The following FOXP1 variants were observed in gnomAD, a reference collection of about 807,000 sequenced individuals.
The protein encoded by FOXP1 is forkhead box protein P1.
FOXP1 carries 15 observed loss-of-function variants against 98.2 expected under a neutral mutation model. The observed-to-expected ratio is 0.15, with a 90% CI of 0.10 to 0.24. The LOEUF is 0.24. Among genes scored for constraint, FOXP1 ranks in the 10% least tolerant of loss-of-function variants. FOXP1 has a pLI of 1.00. For missense variants in FOXP1, 633 were observed against 848.5 expected, an observed-to-expected ratio of 0.75 and a Z score of 3.15; for synonymous variants, 371 against 314.5, an observed-to-expected ratio of 1.18 and a Z score of -1.90.
chr3:71,352,475 A>AT, intron 4 of FOXP1, among the ~76,000 whole-genome samples: 1 of 148,726 alleles, frequency 6.7e-6, no homozygotes, highest in East Asian at 2.0e-4. Flanking sequence ...CATCTCAAAA[A>AT]AAAAAAAAAA....
rs117754609 is a variant in FOXP1 at position 71,138,250 on chromosome 3, G to A, written c.181-25613C>T. 2.2e-4 allele frequency among the ~76,000 whole-genome samples: 33 copies of A among 152,206 alleles called. No homozygotes were observed. In the East Asian group the frequency reaches 6.0e-3, roughly 28 times the overall value. On this transcript the variant is annotated intron_variant, in intron 6 of 20. Transcript: ENST00000649528. ...CTCAAAATGGGATTTTTAATATTTA[G>A]GAACGTAATGGGATCGGGAAATAAG...
At chr3:71,582,294 G>A (rs1218358561) in intron 1 of FOXP1, 1 of 977,820 alleles carries the variant, frequency 1.0e-6, no homozygotes, top group Non-Finnish European at 1.2e-6. Context: ...AAGGAGGGAG[G>A]CGGGAGGCGG....
chr3:71,085,321 A>T (rs114058197), intron 7 of FOXP1, among the ~76,000 whole-genome samples: 7,220 of 151,378 alleles, frequency 0.048, 602 homozygotes, highest in African/African-American at 0.16. Flanking sequence ...TTAAAAAAAA[A>T]TTTTTTTTTG....
intron 6 of FOXP1, among the ~76,000 whole-genome samples, chr3:71,156,330 C>G (rs1378936104): frequency 6.6e-6 from 1 of 152,142 alleles, no homozygotes; most frequent in South Asian, 2.1e-4. Flanking sequence ...GCACTCAGCA[C>G]CTACTCAGCA....
intron 13 of FOXP1, 73 bp from the exon 14 acceptor site, chr3:70,988,150 AT>A: frequency 7.9e-7 from 1 of 1,260,692 alleles, no homozygotes; most frequent in Non-Finnish European, 1.2e-6. Flanking sequence ...AATGATACAT[AT>A]TACAAATTAC....
intron 3 of FOXP1, among the ~76,000 whole-genome samples, chr3:71,439,881 G>T (rs1444039979): frequency 6.6e-6 from 1 of 151,608 alleles, no homozygotes; most frequent in Admixed American, 6.6e-5. Flanking sequence ...AGGAGATGGG[G>T]GTTTCATTGA....
chr3:71,011,489 C>T (rs11720703), intron 12 of FOXP1, among the ~76,000 whole-genome samples: 54,296 of 151,990 alleles, frequency 0.36, 12,334 homozygotes, highest in Admixed American at 0.49. Flanking sequence ...CATAGAAAAA[C>T]AGAGCTAATG....
intron 1 of FOXP1, 107 bp from the exon 2 acceptor site, chr3:71,581,804 A>G (rs371708200): frequency 3.0e-6 from 3 of 986,058 alleles, no homozygotes. Flanking sequence ...GCCAGGACAG[A>G]GAGGGCAGCG....
At chr3:71,394,116 C>A (rs2081223181) in intron 3 of FOXP1, among the ~76,000 whole-genome samples, 1 of 152,226 alleles carries the variant, frequency 6.6e-6, no homozygotes, top group Non-Finnish European at 1.5e-5. Context: ...GCCCCAATTT[C>A]CAGAAGAGTC....
intron 4 of FOXP1, among the ~76,000 whole-genome samples, chr3:71,300,139 A>T (rs1450923302): frequency 1.3e-5 from 2 of 152,144 alleles, no homozygotes; most frequent in Non-Finnish European, 2.9e-5. Context: ...ACTTTTTCTC[A>T]TCTTGTTGTC....
At chr3:71,430,228 G>A (rs1203696397) in intron 3 of FOXP1, among the ~76,000 whole-genome samples, 1 of 152,158 alleles carries the variant, frequency 6.6e-6, no homozygotes, top group Non-Finnish European at 1.5e-5. Flanking sequence ...CAGCGTGAGC[G>A]ATTTCGGCAT....
intron 6 of FOXP1, chr3:71,130,763 A>G: frequency 2.8e-6 from 4 of 1,443,546 alleles, no homozygotes; most frequent in Non-Finnish European, 3.6e-6. Flanking sequence ...AGAAACCACA[A>G]GAATTCCTCA....
intron 3 of FOXP1, among the ~76,000 whole-genome samples, chr3:71,474,839 A>C (rs1339010209): frequency 6.6e-6 from 1 of 152,048 alleles, no homozygotes; most frequent in Non-Finnish European, 1.5e-5. Context: ...GTGCAGAATA[A>C]ATGTTATGTG....
At chr3:71,007,993 TGAA>T (rs1160868553) in intron 12 of FOXP1, among the ~76,000 whole-genome samples, 1 of 152,160 alleles carries the variant, frequency 6.6e-6, no homozygotes, top group Non-Finnish European at 1.5e-5. Flanking sequence ...TTGTTCTGCA[TGAA>T]GTTTTTCTCC....
intron 14 of FOXP1, among the ~76,000 whole-genome samples, chr3:70,984,192 C>T (rs902439179): frequency 6.6e-6 from 1 of 152,202 alleles, no homozygotes; most frequent in Non-Finnish European, 1.5e-5. Context: ...CATACGTCCA[C>T]GCAGGGTCCA....
In FOXP1 at chr3:71,054,742, G is replaced by A. The variant is rs540318871; in HGVS notation, c.283-969C>T. 5.9e-4 allele frequency among the ~76,000 whole-genome samples: 89 copies of A among 151,260 alleles called. 3 individuals carry two copies. The highest frequency in any genetic ancestry group is 3.4e-3 in the Middle Eastern group (1 of 292). ...ACTATTTCATGAAAAATCACCCCCC[G>A]CCCCAAATAAAAAGATAAGGAAAGA... On this transcript the variant is annotated intron_variant, in intron 7 of 20. Transcript: ENST00000649528.
At chr3:71,257,186 T>G (rs9860084) in intron 5 of FOXP1, among the ~76,000 whole-genome samples, 3,290 of 152,296 alleles carry the variant, frequency 0.022, 120 homozygotes, top group African/African-American at 0.075. Flanking sequence ...TATAAAAATT[T>G]GGCTAACAGT....
At chr3:71,113,511 G>A (rs1320562683) in intron 6 of FOXP1, among the ~76,000 whole-genome samples, 3 of 151,974 alleles carry the variant, frequency 2.0e-5, no homozygotes, top group Non-Finnish European at 2.9e-5. Flanking sequence ...TCAGGAGTTC[G>A]AGAACAGCCT....
At chr3:71,338,262 T>C (rs549394110) in intron 4 of FOXP1, among the ~76,000 whole-genome samples, 1 of 152,108 alleles carries the variant, frequency 6.6e-6, no homozygotes, top group Non-Finnish European at 1.5e-5. Context: ...AGAGAACAAA[T>C]AGGTACAAAG....
Sources: allele counts gnomAD v4.1 joint callset (sites outside exome capture counted in the v4.1 genomes callset), GRCh38; gene constraint gnomAD v4.1.1; transcripts MANE v1.5; gene names NCBI Gene and HGNC (gene_info 2026-07-23, HGNC 2026-07-21).